Variants in MLEC observed in about 807,000 individuals in gnomAD.
The protein encoded by MLEC is oligosaccharyltransferase complex subunit (non-catalytic).
In MLEC, 7 loss-of-function variants were observed where a neutral mutation model predicts 28.7. The ratio of observed to expected loss-of-function variants is 0.24; its 90% confidence interval spans 0.14 to 0.46. The LOEUF is 0.46. Ranked by LOEUF, MLEC falls within the 20% of genes least tolerant of loss-of-function variation. MLEC has a pLI of 0.99. For synonymous variants in MLEC, 142 were observed against 164.4 expected, an observed-to-expected ratio of 0.86 and a Z score of 1.04; for missense variants, 237 against 391.1, an observed-to-expected ratio of 0.61 and a Z score of 3.32.
chr12:120,698,018 C>T lies in MLEC; in HGVS notation c.*1473C>T, dbSNP rs1882302848. 1 of 152,084 alleles carries T rather than the reference C, an allele frequency of 6.6e-6. No individual in the cohort carries two copies. The highest frequency in any genetic ancestry group is 6.6e-5 in the Admixed American group (1 of 15,262). 9.4% of individuals were successfully genotyped at this position (152,084 alleles called of 1,614,324 possible). On this transcript the variant is annotated 3_prime_UTR_variant, in exon 5 of 5. Transcript: ENST00000228506. ...AAATTTCTATAGGAAATGAAGCTTC[C>T]CTGGTCCCCTCCTTTCTGGCCATTG...
rs539331606 is a variant in MLEC at position 120,698,978 on chromosome 12, C to T, written c.*2433C>T. ...ATGGTGGGGGCTGGGGTAGACTCCC[C>T]TGGAGCCAAGCCTATCCAGCTAACA... On this transcript the variant is annotated 3_prime_UTR_variant, in exon 5 of 5. Coordinates refer to ENST00000228506, the MANE Select transcript of MLEC (RefSeq NM_014730.4). 6.5e-6 allele frequency: 1 copy of T among 152,688 alleles called. No homozygotes were observed. The highest frequency in any genetic ancestry group is 6.5e-5 in the Admixed American group (1 of 15,302). 9.5% of individuals were successfully genotyped at this position (152,688 alleles called of 1,614,324 possible).
At chr12:120,691,670 C>G (rs553194171) in intron 1 of MLEC, among the ~76,000 whole-genome samples, 9 of 152,308 alleles carry the variant, frequency 5.9e-5, no homozygotes, top group Middle Eastern at 3.4e-3. Flanking sequence ...TCTCTTGGGA[C>G]TTGGGCAAAT....
intron 1 of MLEC, 95 bp from the exon 2 acceptor site, chr12:120,693,996 G>A (rs1039266473): frequency 1.7e-6 from 2 of 1,201,708 alleles, no homozygotes; most frequent in Non-Finnish European, 2.3e-6. Context: ...AGGGTTATTA[G>A]CATTGCCCTG....
chr12:120,690,698 A>G (rs566243547), intron 1 of MLEC, among the ~76,000 whole-genome samples: 42 of 152,292 alleles, frequency 2.8e-4, no homozygotes, highest in African/African-American at 8.7e-4. Context: ...CTAATGCTGT[A>G]ACCTTAAGGA....
Position 120,697,335 on chromosome 12 carries a change from T to G in MLEC, c.*790T>G, listed in dbSNP as rs569887518. 7.2e-5 allele frequency: 11 copies of G among 152,794 alleles called. No individual in the cohort carries two copies. Among genetic ancestry groups the G allele is most frequent in the African/African-American group, 2.6e-4 (11 of 41,578 alleles). The allele number at this position is 152,794 out of a possible 1,614,324, so 9.5% of individuals were successfully genotyped here. ...TGTTTGTTTGTTTGTTTCCTTAATCTGGCTCATTTGAAATTTCTTCTCCCT... is the reference window on the plus strand; with the variant it reads ...TGTTTGTTTGTTTGTTTCCTTAATCGGGCTCATTTGAAATTTCTTCTCCCT... On this transcript the variant is annotated 3_prime_UTR_variant, in exon 5 of 5. Transcript: ENST00000228506. This position sits in a 1 kb window ranked among gnomAD's most constrained non-coding sequence, Gnocchi z 4.8.
rs932194682 is a variant in MLEC at position 120,696,849 on chromosome 12, G to A, written c.*304G>A. ...TCAAGGATCCTCATTTGTATACCTA[G>A]TGGAAAGGACTCTGAACTCAGAGGA... On this transcript the variant is annotated 3_prime_UTR_variant, in exon 5 of 5. Transcript: ENST00000228506. This position sits in a 1 kb window ranked among gnomAD's most constrained non-coding sequence, Gnocchi z 5.4. 5.4e-6 allele frequency: 2 copies of A among 368,978 alleles called. No individual in the cohort carries two copies. Among genetic ancestry groups the A allele is most frequent in the African/African-American group, 2.1e-5 (1 of 47,892 alleles). 22.9% of individuals were successfully genotyped at this position (368,978 alleles called of 1,614,324 possible).
intron 1 of MLEC, among the ~76,000 whole-genome samples, chr12:120,688,242 G>T (rs1429479244): frequency 6.6e-6 from 1 of 152,194 alleles, no homozygotes; most frequent in Non-Finnish European, 1.5e-5. Flanking sequence ...AGCTTAGGGG[G>T]AAAATGATTG....
intron 1 of MLEC, among the ~76,000 whole-genome samples, chr12:120,692,322 T>G (rs1035653160): frequency 6.6e-6 from 1 of 152,210 alleles, no homozygotes; most frequent in Non-Finnish European, 1.5e-5. Context: ...AACAGCAGTC[T>G]TTCAGTCTTC....
Position 120,696,752 on chromosome 12 carries a change from C to G in MLEC, c.*207C>G, listed in dbSNP as rs2137421594. On this transcript the variant is annotated 3_prime_UTR_variant, in exon 5 of 5. Transcript: ENST00000228506. The surrounding 1 kb of genome is among the most constrained non-coding windows in gnomAD (Gnocchi z 5.4). Reference sequence around the variant, plus strand: ...TCCCAGACGTGCTTCAGTCCTCGTCCTCTCTTTGTGGCTGGCTCCCAGCCT... The same window carrying G: ...TCCCAGACGTGCTTCAGTCCTCGTCGTCTCTTTGTGGCTGGCTCCCAGCCT... 1.5e-6 allele frequency: 1 copy of G among 678,316 alleles called. No individual in the cohort carries two copies. The highest frequency in any genetic ancestry group is 2.8e-5 in the East Asian group (1 of 35,600). The allele number at this position is 678,316 out of a possible 1,614,324, so 42.0% of individuals were successfully genotyped here. A position where few individuals can be genotyped will look rare whatever the true frequency, so the allele number is the denominator to read the frequency against.
chr12:120,687,714 TAG>T lies in MLEC; in HGVS notation c.235+186_235+187del, dbSNP rs1171676771. The stretch of plus-strand genomic sequence containing the variant: ...GGCCTGGCACTGGCTCCAAGGTACC[TAG>T]AGTCATACAGGCAGAGAGTTGGCCA... On this transcript the variant is annotated intron_variant, in intron 1 of 4. Transcript: ENST00000228506. This position sits in a 1 kb window ranked among gnomAD's most constrained non-coding sequence, Gnocchi z 8.1. Among the ~76,000 whole-genome samples the T allele has an allele frequency of 6.6e-6, 1 of 152,212 alleles. No individual in the cohort carries two copies. Among genetic ancestry groups the T allele is most frequent in the Non-Finnish European group, 1.5e-5 (1 of 68,028 alleles).
chr12:120,688,749 C>T (rs1284313846), intron 1 of MLEC, among the ~76,000 whole-genome samples: 1 of 152,218 alleles, frequency 6.6e-6, no homozygotes, highest in Non-Finnish European at 1.5e-5. Context: ...TTGCCTTTCA[C>T]ACATGTGAGG....
chr12:120,688,527 G>T (rs1277754707), intron 1 of MLEC, among the ~76,000 whole-genome samples: 1 of 152,202 alleles, frequency 6.6e-6, no homozygotes, highest in Non-Finnish European at 1.5e-5. Context: ...TCAGAAGGAA[G>T]TTCTTTGCTA....
At chr12:120,693,873 T>C (rs1159109900) in intron 1 of MLEC, 2 of 439,970 alleles carry the variant, frequency 4.5e-6, no homozygotes, top group Non-Finnish European at 8.3e-6. Flanking sequence ...GTTGGCCTGA[T>C]TAGTGTTTAG....
rs960917662 is a variant in MLEC, at chr12:120,699,672, G to A, written c.*3127G>A. 7 of 152,256 alleles carry A rather than the reference G, an allele frequency of 4.6e-5. No individual in the cohort carries two copies. The highest frequency in any genetic ancestry group is 4.4e-5 in the Non-Finnish European group (3 of 68,052). 9.4% of individuals were successfully genotyped at this position (152,256 alleles called of 1,614,324 possible). A position where few individuals can be genotyped will look rare whatever the true frequency, so the allele number is the denominator to read the frequency against. On this transcript the variant is annotated 3_prime_UTR_variant, in exon 5 of 5. Transcript: ENST00000228506. The stretch of plus-strand genomic sequence containing the variant: ...CTCAATCGACACCCCGAGTTCTCAT[G>A]ACTGGGAAGATAGTTTTCTTCAGGT...
Position 120,687,269 on chromosome 12 carries a change from G to A in MLEC, c.-28G>A. 6 of 1,364,334 alleles carry A rather than the reference G, an allele frequency of 4.4e-6. No individual in the cohort carries two copies. Among genetic ancestry groups the A allele is most frequent in the Non-Finnish European group, 5.6e-6 (6 of 1,064,962 alleles). The allele number at this position is 1,364,334 out of a possible 1,614,324, so 84.5% of individuals were successfully genotyped here. A position where few individuals can be genotyped will look rare whatever the true frequency, so the allele number is the denominator to read the frequency against. ...CAGCCGGCCGAGGACGAGGGTCGGCGGGGGCTGCCCCCGTGGTGGTGGCCG... is the reference window on the plus strand; with the variant it reads ...CAGCCGGCCGAGGACGAGGGTCGGCAGGGGCTGCCCCCGTGGTGGTGGCCG... On this transcript the variant is annotated 5_prime_UTR_variant, in exon 1 of 5. Transcript: ENST00000228506. This position sits in a 1 kb window ranked among gnomAD's most constrained non-coding sequence, Gnocchi z 8.1.
rs765698777 is a variant in MLEC at position 120,694,072 on chromosome 12, CTT to C, written c.236-17_236-16del. ...GTGTCTTGCCTCTGATGTGCTTTCT[CTT>C]TGTCTTTTGTCCTCAGCCTCAGACT... On this transcript the variant is annotated splice_polypyrimidine_tract_variant and intron_variant, in intron 1 of 4. Coordinates refer to ENST00000228506, the MANE Select transcript of MLEC (RefSeq NM_014730.4). This position sits in a 1 kb window ranked among gnomAD's most constrained non-coding sequence, Gnocchi z 4.5. The C allele has an allele frequency of 5.0e-6, 8 of 1,607,398 alleles. No individual in the cohort carries two copies. The highest frequency in any genetic ancestry group is 6.0e-6 in the Non-Finnish European group (7 of 1,176,060).
At chr12:120,688,384 A>T (rs1881906564) in intron 1 of MLEC, among the ~76,000 whole-genome samples, 1 of 152,248 alleles carries the variant, frequency 6.6e-6, no homozygotes, top group Non-Finnish European at 1.5e-5. Flanking sequence ...TGATTATAGT[A>T]GATTGAGCTT....
At chr12:120,691,079 T>C (rs10431385) in intron 1 of MLEC, among the ~76,000 whole-genome samples, 62,967 of 152,058 alleles carry the variant, frequency 0.41, 13,233 homozygotes, top group South Asian at 0.54. Context: ...AAGGGGGGCT[T>C]TACAGCTGTG....
rs1882251634 is a variant in MLEC at position 120,696,673 on chromosome 12, A to G, written c.*128A>G. The G allele has an allele frequency of 1.0e-5, 14 of 1,393,266 alleles. 1 individual carries two copies. In the South Asian group the frequency reaches 1.9e-4, roughly 19 times the overall value. 86.3% of individuals were successfully genotyped at this position (1,393,266 alleles called of 1,614,324 possible). A position where few individuals can be genotyped will look rare whatever the true frequency, so the allele number is the denominator to read the frequency against. On this transcript the variant is annotated 3_prime_UTR_variant, in exon 5 of 5. Transcript: ENST00000228506. This position sits in a 1 kb window ranked among gnomAD's most constrained non-coding sequence, Gnocchi z 5.4. ...AAGAGAAAAAAACACACATCAATTA[A>G]AGGAGACAAAAAGAGGCAGAGCGAG... is the stretch of plus-strand genomic sequence containing the variant.
Sources: allele counts gnomAD v4.1 joint callset (sites outside exome capture counted in the v4.1 genomes callset), GRCh38; gene constraint gnomAD v4.1.1; non-coding constraint Gnocchi (gnomAD v3.1); transcripts MANE v1.5; gene names NCBI Gene and HGNC (gene_info 2026-07-23, HGNC 2026-07-21).